DSCAM: variants seen among roughly 807,000 people sequenced by gnomAD.
The protein encoded by DSCAM is cell adhesion molecule DSCAM.
Under a neutral mutation model 217.7 loss-of-function variants are expected in DSCAM, and 47 were observed. That is an observed-to-expected ratio of 0.22 (90% CI 0.17 to 0.28). The LOEUF is 0.28. DSCAM is among the 10% of genes least tolerant of loss of function. The pLI, the probability that DSCAM is intolerant of heterozygous loss-of-function variation, is 1.00. For synonymous variants in DSCAM, 1,056 were observed against 1,015.3 expected, an observed-to-expected ratio of 1.04 and a Z score of -0.76; for missense variants, 2,080 against 2,618.3, an observed-to-expected ratio of 0.79 and a Z score of 4.49.
At chr21:40,272,600 C>T (rs1017095328) in intron 11 of DSCAM, among the ~76,000 whole-genome samples, 9 of 152,146 alleles carry the variant, frequency 5.9e-5, no homozygotes, top group African/African-American at 1.9e-4. Context: ...GCAGGGTTCG[C>T]AGGATCTCAC....
At chr21:40,069,108 G>T (rs1262297482) in intron 27 of DSCAM, among the ~76,000 whole-genome samples, 8 of 151,082 alleles carry the variant, frequency 5.3e-5, no homozygotes, top group Non-Finnish European at 1.0e-4. Context: ...AAAAGAAAAA[G>T]AAAAGAAAGA....
intron 10 of DSCAM, among the ~76,000 whole-genome samples, chr21:40,278,438 A>C (rs115147154): frequency 0.03 from 4,518 of 152,270 alleles, 212 homozygotes; most frequent in African/African-American, 0.1. Flanking sequence ...ATTGTGTTTC[A>C]TAACAACTTA....
At chr21:40,169,399 A>G (rs1568978899) in intron 15 of DSCAM, among the ~76,000 whole-genome samples, 1 of 152,166 alleles carries the variant, frequency 6.6e-6, no homozygotes, top group African/African-American at 2.4e-5. Flanking sequence ...GTCTATAGAA[A>G]AGGGTGCACC....
intron 24 of DSCAM, among the ~76,000 whole-genome samples, chr21:40,082,154 C>T (rs2089471375): frequency 1.3e-5 from 2 of 152,110 alleles, no homozygotes; most frequent in African/African-American, 4.8e-5. Context: ...TCCCAGCTGT[C>T]CAGAATCATT....
chr21:40,401,613 C>A (rs1452920802), intron 3 of DSCAM, among the ~76,000 whole-genome samples: 1 of 152,200 alleles, frequency 6.6e-6, no homozygotes, highest in Non-Finnish European at 1.5e-5. Context: ...TGGAGACCAT[C>A]AAGCGTGCAG....
At chr21:40,414,877 G>A (rs2075356376) in intron 3 of DSCAM, among the ~76,000 whole-genome samples, 3 of 152,188 alleles carry the variant, frequency 2.0e-5, no homozygotes, top group Non-Finnish European at 2.9e-5. Flanking sequence ...GGAAGGAAGA[G>A]CTATTTATTC....
intron 3 of DSCAM, among the ~76,000 whole-genome samples, chr21:40,594,195 T>G (rs1322439363): frequency 2.0e-5 from 3 of 152,178 alleles, no homozygotes; most frequent in African/African-American, 7.2e-5. Flanking sequence ...GTCATCCTCT[T>G]AAAGGTAAAA....
At position 40,461,016 on chromosome 21, in the gene DSCAM, C is replaced by T. The variant is rs573866162; in HGVS notation, c.509-91771G>A. Among the ~76,000 whole-genome samples the T allele has an allele frequency of 2.7e-4, 41 of 152,256 alleles. 2 individuals carry two copies. In the South Asian group the frequency reaches 8.5e-3, roughly 32 times the overall value. Reference sequence around the variant, plus strand: ...TGATTTATACGACTATCAGTTACAGCCCTGTTCATAGTTGCAAAAGAATTG... The same window carrying T: ...TGATTTATACGACTATCAGTTACAGTCCTGTTCATAGTTGCAAAAGAATTG... On this transcript the variant is annotated intron_variant, in intron 3 of 32. Coordinates refer to ENST00000400454, the MANE Select transcript of DSCAM (RefSeq NM_001389.5).
At chr21:40,712,839 G>T (rs555178847) in intron 1 of DSCAM, among the ~76,000 whole-genome samples, 4 of 150,922 alleles carry the variant, frequency 2.7e-5, no homozygotes, top group Non-Finnish European at 5.9e-5. Context: ...GAGAGAAGGT[G>T]GGGGGTACAG....
intron 3 of DSCAM, among the ~76,000 whole-genome samples, chr21:40,561,121 C>T (rs1568905917): frequency 6.6e-6 from 1 of 152,154 alleles, no homozygotes; most frequent in Non-Finnish European, 1.5e-5. Context: ...TATTAAATAG[C>T]ATAGTGTATT....
chr21:40,093,769 C>T lies in DSCAM; in HGVS notation c.3802G>A (p.Gly1268Arg), dbSNP rs762090092. The T allele has an allele frequency of 3.1e-6, 5 of 1,613,894 alleles. No individual in the cohort carries two copies. Among genetic ancestry groups the T allele is most frequent in the Admixed American group, 1.7e-5 (1 of 60,000 alleles). ...ATGATTTCACTGCTGTTGCCTCTTC[C>T]GGCTGAAGTAACAGCCACCACCCAG... ...SVWVVAVTSA[G>R]RGNSSEIITV... The change falls in exon 21 of 33, where the codon GGA becomes AGA. Residue 1268 changes from glycine to arginine, a missense_variant. By Grantham distance (125) the Gly-to-Arg change is moderately radical. Coordinates refer to ENST00000400454, the MANE Select transcript of DSCAM (RefSeq NM_001389.5).
chr21:40,400,877 C>G (rs1205115535), intron 3 of DSCAM, among the ~76,000 whole-genome samples: 2 of 152,180 alleles, frequency 1.3e-5, no homozygotes, highest in Admixed American at 6.5e-5. Flanking sequence ...TTATGCAGAT[C>G]TTTCAAATGT....
Position 40,752,258 on chromosome 21 carries a change from C to T in DSCAM, c.44-43487G>A, listed in dbSNP as rs149116957. Among the ~76,000 whole-genome samples, 1,481 of 152,254 alleles carry T rather than the reference C, an allele frequency of 9.7e-3. 25 individuals are homozygous for T. The highest frequency in any genetic ancestry group is 0.034 in the African/African-American group (1,414 of 41,540). Reference sequence around the variant, plus strand: ...ATGGGTGCTTCCTTTCTGCTGTAACCTCTTCTTTTCTCCAAAGCCAGCTCA... The same window carrying T: ...ATGGGTGCTTCCTTTCTGCTGTAACTTCTTCTTTTCTCCAAAGCCAGCTCA... On this transcript the variant is annotated intron_variant, in intron 1 of 32. Transcript: ENST00000400454.
At chr21:40,305,325 G>A (rs1245891193) in intron 9 of DSCAM, among the ~76,000 whole-genome samples, 1 of 149,328 alleles carries the variant, frequency 6.7e-6, no homozygotes, top group Non-Finnish European at 1.5e-5. Context: ...GGAAGGTAGA[G>A]GTTGCAGTGA....
intron 3 of DSCAM, among the ~76,000 whole-genome samples, chr21:40,467,225 C>A (rs1349128265): frequency 6.6e-6 from 1 of 152,140 alleles, no homozygotes; most frequent in East Asian, 1.9e-4. Flanking sequence ...TTTTTAGAAA[C>A]AATTTTATTT....
At chr21:40,500,785 T>C (rs1234708489) in intron 3 of DSCAM, among the ~76,000 whole-genome samples, 3 of 152,164 alleles carry the variant, frequency 2.0e-5, no homozygotes, top group African/African-American at 7.2e-5. Context: ...AAATCAACTC[T>C]CTAACGATAC....
rs1033309907 is a variant in DSCAM at position 40,846,748 on chromosome 21, C to T, written c.-87G>A. On this transcript the variant is annotated 5_prime_UTR_variant, in exon 1 of 33. Coordinates refer to ENST00000400454, the MANE Select transcript of DSCAM (RefSeq NM_001389.5). ...CGGCCCGGCTCCGCTCGCCGCTCGG[C>T]ACCTGCCCGGGGGCCGCCGCCCGCC... is the stretch of plus-strand genomic sequence containing the variant. The T allele has an allele frequency of 3.0e-3, 1,894 of 625,766 alleles. 8 individuals carry two copies. The highest frequency in any genetic ancestry group is 3.5e-3 in the Non-Finnish European group (1,766 of 497,802). 38.8% of individuals were successfully genotyped at this position (625,766 alleles called of 1,614,324 possible).
chr21:40,347,764 C>T lies in DSCAM; in HGVS notation c.1116G>A (p.Met372Ile). 1 of 1,614,192 alleles carries T rather than the reference C, an allele frequency of 6.2e-7. No homozygotes were observed. Among genetic ancestry groups the T allele is most frequent in the Non-Finnish European group, 8.5e-7 (1 of 1,180,024 alleles). The change falls in exon 6 of 33, where the codon ATG becomes ATA. Residue 372 changes from methionine (M) to isoleucine (I), a missense_variant. Coordinates refer to ENST00000400454, the MANE Select transcript of DSCAM (RefSeq NM_001389.5). ...CCCCGTCACTTTTGACCATGTGATC[C>T]ATTATAAGGTTTTCGTGGTTGATCC... Reference protein sequence around the residue: ...ITGINHENLIMDHMVKSDGGA... With the variant: ...ITGINHENLIIDHMVKSDGGA...
At chr21:40,294,010 T>C (rs1376823826) in intron 10 of DSCAM, among the ~76,000 whole-genome samples, 3 of 152,340 alleles carry the variant, frequency 2.0e-5, no homozygotes, top group East Asian at 3.9e-4. Context: ...AAAAAATGTT[T>C]GCAGCAGTTA....
Sources: gnomAD v4.1 joint callset for allele counts (sites outside exome capture counted in the v4.1 genomes callset) on GRCh38, gnomAD v4.1.1 for gene constraint, MANE v1.5 for transcripts, NCBI Gene and HGNC (gene_info 2026-07-23, HGNC 2026-07-21) for gene names.